The following KLRG2 variants were observed in gnomAD, a reference collection of about 807,000 sequenced individuals.
KLRG2 encodes the protein killer cell lectin like receptor G2.
KLRG2 carries 39 observed loss-of-function variants against 35.4 expected under a neutral mutation model. The observed-to-expected ratio is 1.10, with a 90% CI of 0.85 to 1.44. The LOEUF (loss-of-function observed/expected upper bound fraction) is 1.44. Among genes scored for constraint, KLRG2 ranks in the 40% most tolerant of loss-of-function variants. The pLI, the probability that KLRG2 is intolerant of heterozygous loss-of-function variation, is 0.00. For missense variants in KLRG2, 632 were observed against 570.9 expected (o/e 1.11, Z -1.09); for synonymous variants, 283 against 265.8 (o/e 1.06, Z -0.63).
At chr7:139,454,524 C>T (rs935913584) in intron 3 of KLRG2, among the ~76,000 whole-genome samples, 15 of 151,940 alleles carry the variant, frequency 9.9e-5, no homozygotes, top group South Asian at 4.2e-4. Flanking sequence ...GCTCAGAAAG[C>T]GAGGGAGGTG....
the KLRG2 span, among the ~76,000 whole-genome samples, chr7:139,445,095 T>C: frequency 7.0e-6 from 1 of 143,316 alleles, no homozygotes; most frequent in Non-Finnish European, 1.5e-5. Context: ...TTTTTTTTTT[T>C]CGAGTTGGAG....
At chr7:139,461,968 C>G (rs887894737) in intron 3 of KLRG2, among the ~76,000 whole-genome samples, 2 of 152,188 alleles carry the variant, frequency 1.3e-5, no homozygotes, top group Non-Finnish European at 2.9e-5. Flanking sequence ...GCCCAAGGAA[C>G]ATCTCACCAA....
chr7:139,479,232 G>A (rs562738421), intron 3 of KLRG2, among the ~76,000 whole-genome samples: 15 of 152,148 alleles, frequency 9.9e-5, no homozygotes, highest in South Asian at 8.3e-4. Context: ...ACAGGCGCCC[G>A]CCACCATGTC....
the KLRG2 span, among the ~76,000 whole-genome samples, chr7:139,441,866 C>T: frequency 6.6e-6 from 1 of 152,206 alleles, no homozygotes; most frequent in Non-Finnish European, 1.5e-5. Context: ...CAGCACACAG[C>T]AGAAGACTTC....
At chr7:139,477,440 C>T (rs1055946311) in intron 3 of KLRG2, among the ~76,000 whole-genome samples, 1 of 152,084 alleles carries the variant, frequency 6.6e-6, no homozygotes, top group Non-Finnish European at 1.5e-5. Flanking sequence ...CACGGGTGAG[C>T]CTTGAGGACA....
At chr7:139,433,375 G>GAGT in the KLRG2 span, among the ~76,000 whole-genome samples, 2 of 152,014 alleles carry the variant, frequency 1.3e-5, no homozygotes, top group Non-Finnish European at 2.9e-5. Context: ...GCACAGGCTG[G>GAGT]AGTACAATGG....
At chr7:139,443,865 TGATAG>T in the KLRG2 span, among the ~76,000 whole-genome samples, 1 of 152,194 alleles carries the variant, frequency 6.6e-6, no homozygotes, top group East Asian at 1.9e-4. Context: ...TTAAGTCCCA[TGATAG>T]GCTGTCTGCA....
chr7:139,453,946 A>T (rs888781461), intron 4 of KLRG2, among the ~76,000 whole-genome samples, 165 bp downstream of exon 4: 4 of 152,152 alleles, frequency 2.6e-5, no homozygotes, highest in African/African-American at 9.7e-5. Context: ...GAACCCAAAT[A>T]AAGAGTGAAG....
the KLRG2 span, among the ~76,000 whole-genome samples, chr7:139,447,192 TA>T: frequency 0.025 from 3,848 of 152,294 alleles, 141 homozygotes; most frequent in African/African-American, 0.088. Context: ...AAATACATTT[TA>T]AATAGTCATG....
chr7:139,456,843 G>A (rs1796485223), intron 3 of KLRG2, among the ~76,000 whole-genome samples: 1 of 152,098 alleles, frequency 6.6e-6, no homozygotes, highest in Non-Finnish European at 1.5e-5. Context: ...TGAACCTGGT[G>A]CGGGCCAGGA....
At chr7:139,441,167 A>G in the KLRG2 span, among the ~76,000 whole-genome samples, 1 of 152,228 alleles carries the variant, frequency 6.6e-6, no homozygotes, top group African/African-American at 2.4e-5. Flanking sequence ...ATAAATACAC[A>G]AGCACACGTA....
intron 3 of KLRG2, among the ~76,000 whole-genome samples, chr7:139,477,537 A>C (rs1213303429): frequency 6.6e-6 from 1 of 151,970 alleles, no homozygotes; most frequent in Non-Finnish European, 1.5e-5. Context: ...TTCAAACCAA[A>C]GAGAGAGAGA....
At chr7:139,475,966 A>G (rs1796843234) in intron 3 of KLRG2, among the ~76,000 whole-genome samples, 1 of 151,710 alleles carries the variant, frequency 6.6e-6, no homozygotes, top group African/African-American at 2.4e-5. Flanking sequence ...AAAAAAAAAA[A>G]CACATTTGGT....
the KLRG2 span, among the ~76,000 whole-genome samples, chr7:139,446,139 T>C: frequency 6.6e-6 from 1 of 150,890 alleles, no homozygotes; most frequent in African/African-American, 2.4e-5. Context: ...CCATGGCCAG[T>C]CTAAAATATT....
In KLRG2 at chr7:139,454,214, C is replaced by T. The variant is rs1796420872; in HGVS notation, c.1006G>A (p.Asp336Asn). 6.7e-7 allele frequency: 1 copy of T among 1,483,406 alleles called. No homozygotes were observed. Among genetic ancestry groups the T allele is most frequent in the Non-Finnish European group, 9.2e-7 (1 of 1,086,756 alleles). The allele number at this position is 1,483,406 out of a possible 1,614,324, so 91.9% of individuals were successfully genotyped here. Residue 336 changes from aspartate (D) to asparagine (N), a missense_variant and splice_region_variant, in exon 4 of 5, where the codon GAC (aspartate) becomes AAC (asparagine). By Grantham distance (23) the Asp-to-Asn change is conservative (BLOSUM62 1). Coordinates refer to ENST00000340940, the MANE Select transcript of KLRG2 (RefSeq NM_198508.4). ...ATLPLLSHTQ[D>N]FLGRYPVSRH... is the part of the protein sequence containing the mutation. ...GAGACTGGGTATCTGCCCAGGAAGT[C>T]CTGAGGGAGAAAAGTAAGCTGGTCA...
intron 3 of KLRG2, among the ~76,000 whole-genome samples, chr7:139,476,070 T>C (rs1796845200): frequency 1.3e-5 from 2 of 152,130 alleles, no homozygotes; most frequent in South Asian, 4.1e-4. Flanking sequence ...GATTGTTAGC[T>C]TGGAGGTTAG....
the KLRG2 span, among the ~76,000 whole-genome samples, chr7:139,446,289 C>T: frequency 2.0e-5 from 3 of 151,448 alleles, no homozygotes; most frequent in Non-Finnish European, 4.4e-5. Flanking sequence ...GAGCCACATT[C>T]CCCCTTGGAG....
chr7:139,452,347 G>A (rs992050201), downstream of KLRG2, among the ~76,000 whole-genome samples: 2 of 152,168 alleles, frequency 1.3e-5, no homozygotes, highest in Non-Finnish European at 2.9e-5. Flanking sequence ...AATTTCTAAT[G>A]TAGATGACAA....
Position 139,454,854 on chromosome 7 carries a change from ATAATAATAATAAC to A in KLRG2, c.1006-653_1006-641del, listed in dbSNP as rs1196622709. ...AATAATAATAATAATAATAATAATAATAATAATAATAACACACGCAGATGTGCAGGAACAACAA... is the reference window on the plus strand; with the variant it reads ...AATAATAATAATAATAATAATAATAAACACGCAGATGTGCAGGAACAACAA... On this transcript the variant is annotated intron_variant, in intron 3 of 4. Transcript: ENST00000340940. 8.9e-4 allele frequency among the ~76,000 whole-genome samples: 109 copies of A among 122,130 alleles called. 1 individual carries two copies. The highest frequency in any genetic ancestry group is 3.7e-3 in the African/African-American group (105 of 28,020). 80.1% of individuals were successfully genotyped at this position (122,130 alleles called of 152,430 possible).
Sources: gnomAD v4.1 joint callset for allele counts (sites outside exome capture counted in the v4.1 genomes callset) on GRCh38, gnomAD v4.1.1 for gene constraint, MANE v1.5 for transcripts, NCBI Gene and HGNC (gene_info 2026-07-23, HGNC 2026-07-21) for gene names.